The following RMDN2 variants were observed in gnomAD, a reference collection of about 807,000 sequenced individuals.
RMDN2 encodes the protein regulator of microtubule dynamics 2.
A neutral mutation model predicts 52.8 loss-of-function variants in RMDN2; 61 were observed. The ratio of observed to expected loss-of-function variants is 1.16; its 90% CI spans 0.94 to 1.43. RMDN2 has a LOEUF of 1.43. RMDN2 is among the 40% of genes most tolerant of loss of function. The pLI is 0.00. For synonymous variants in RMDN2, 180 were observed against 153.1 expected (o/e 1.18, Z -1.30); for missense variants, 592 against 475.3 (o/e 1.25, Z -2.28).
chr2:38,020,476 C>T (rs1021981934), downstream of RMDN2, among the ~76,000 whole-genome samples: 7 of 152,204 alleles, frequency 4.6e-5, no homozygotes, highest in Admixed American at 3.9e-4. Flanking sequence ...TGGCCAAGGC[C>T]GGAGCCGGCT....
chr2:37,984,272 C>CA (rs1673699828), intron 5 of RMDN2, among the ~76,000 whole-genome samples: 1 of 152,126 alleles, frequency 6.6e-6, no homozygotes, highest in Non-Finnish European at 1.5e-5. Context: ...CTCCTGGAAT[C>CA]AAGAGAATGA....
At chr2:38,004,412 A>T (rs878945567) in intron 10 of RMDN2, among the ~76,000 whole-genome samples, 196 bp downstream of exon 10, 1 of 152,264 alleles carries the variant, frequency 6.6e-6, no homozygotes, top group Non-Finnish European at 1.5e-5. Flanking sequence ...CATATACATT[A>T]TGAAATGACT....
chr2:38,035,001 A>G (rs7585429), intron 10 of RMDN2, among the ~76,000 whole-genome samples: 17,319 of 152,162 alleles, frequency 0.11, 1,494 homozygotes, highest in African/African-American at 0.24. Flanking sequence ...AGCTCTAATT[A>G]GGAAAGACAA....
intron 2 of RMDN2, among the ~76,000 whole-genome samples, chr2:37,965,159 T>C (rs2125036576): frequency 6.6e-6 from 1 of 152,244 alleles, no homozygotes; most frequent in East Asian, 1.9e-4. Flanking sequence ...TATCGTTAAA[T>C]CCCAATTTTT....
In RMDN2 at chr2:37,926,528, C is replaced by G. The variant is rs558613788; in HGVS notation, c.-17+1103C>G. 2.2e-3 allele frequency among the ~76,000 whole-genome samples: 333 copies of G among 152,296 alleles called. 2 individuals are homozygous for G. Among genetic ancestry groups the G allele is most frequent in the Non-Finnish European group, 3.8e-3 (257 of 68,014 alleles). ...TAGCACCTTACAAATTGAAACGTAA[C>G]ATAATACTTTGTATCTGATTATTAA... On this transcript the variant is annotated intron_variant, in intron 1 of 10. Coordinates refer to ENST00000354545, the MANE Select transcript of RMDN2 (RefSeq NM_001170791.3).
At chr2:38,003,595 GATAGATAGGCAGA>G (rs1676641421) in intron 8 of RMDN2, among the ~76,000 whole-genome samples, 2 of 151,980 alleles carry the variant, frequency 1.3e-5, no homozygotes, top group African/African-American at 4.8e-5. Context: ...TAGATAGATA[GATAGATAGGCAGA>G]CAGACAGACA....
chr2:37,960,721 A>G (rs1670105766), intron 2 of RMDN2, among the ~76,000 whole-genome samples: 1 of 152,200 alleles, frequency 6.6e-6, no homozygotes, highest in Non-Finnish European at 1.5e-5. Flanking sequence ...TGTGAATTTG[A>G]TCCTGTCATC....
At chr2:38,028,036 A>G (rs1448874964) in intron 10 of RMDN2, 1 of 152,186 alleles carries the variant, frequency 6.6e-6, no homozygotes, top group East Asian at 1.9e-4. Context: ...GTTGAAATGC[A>G]TGTTATTTCC....
chr2:37,977,997 C>T (rs908134198), intron 4 of RMDN2, among the ~76,000 whole-genome samples: 2 of 152,226 alleles, frequency 1.3e-5, no homozygotes, highest in East Asian at 1.9e-4. Context: ...TGTAGTGAGC[C>T]GAGATCACGC....
intron 10 of RMDN2, among the ~76,000 whole-genome samples, chr2:38,014,444 A>G (rs1036503468): frequency 2.0e-5 from 3 of 152,158 alleles, no homozygotes; most frequent in African/African-American, 7.2e-5. Flanking sequence ...AAACACTCTA[A>G]AGAAGTTTCT....
intron 10 of RMDN2, among the ~76,000 whole-genome samples, chr2:38,037,112 A>G (rs1243593953): frequency 6.6e-6 from 1 of 152,192 alleles, no homozygotes; most frequent in Non-Finnish European, 1.5e-5. Flanking sequence ...TCCAGACCTG[A>G]CACTTTGCTA....
intron 10 of RMDN2, among the ~76,000 whole-genome samples, chr2:38,039,047 TACACACACACAC>T (rs71414270): frequency 0.022 from 2,748 of 127,372 alleles, 92 homozygotes; most frequent in African/African-American, 0.064. Flanking sequence ...CCAGATGCTA[TACACACACACAC>T]ACACACACAC....
At chr2:38,033,667 A>G (rs1680374216) in intron 10 of RMDN2, among the ~76,000 whole-genome samples, 1 of 152,250 alleles carries the variant, frequency 6.6e-6, no homozygotes, top group Admixed American at 6.5e-5. Context: ...CATAGGGCTC[A>G]ATAAATACTT....
In RMDN2 at chr2:37,989,473, G is replaced by A. The variant is rs2125128861; in HGVS notation, c.792-68G>A. 20 of 960,236 alleles carry A rather than the reference G, an allele frequency of 2.1e-5. No individual in the cohort carries two copies. The South Asian group carries it at 2.8e-4, about 13-fold the overall frequency. 59.5% of individuals were successfully genotyped at this position (960,236 alleles called of 1,614,324 possible). On this transcript the variant is annotated intron_variant, in intron 5 of 10. Transcript: ENST00000354545. ...GCTTTAGAGTTTCTTTTAATGTTAT[G>A]TTTTGGTGGCATTTTGTTAAAAATT... is the stretch of plus-strand genomic sequence containing the variant.
At chr2:37,978,050 A>T (rs1237750086) in intron 4 of RMDN2, among the ~76,000 whole-genome samples, 1 of 152,164 alleles carries the variant, frequency 6.6e-6, no homozygotes, top group Non-Finnish European at 1.5e-5. Context: ...TGAGTGAGTG[A>T]GACTCTGTCT....
chr2:38,054,663 G>C (rs368835952), intron 10 of RMDN2, among the ~76,000 whole-genome samples: 76 of 152,080 alleles, frequency 5.0e-4, no homozygotes, highest in African/African-American at 1.7e-3. Flanking sequence ...GTTTCTTTTG[G>C]GTCACTCTGT....
chr2:37,995,738 C>T (rs1180282926), intron 7 of RMDN2, among the ~76,000 whole-genome samples: 2 of 152,138 alleles, frequency 1.3e-5, no homozygotes, highest in Admixed American at 6.5e-5. Flanking sequence ...ATATATGAGG[C>T]TGTGAAACTA....
At chr2:37,957,509 AATTT>A (rs1669633716) in intron 2 of RMDN2, among the ~76,000 whole-genome samples, 2 of 151,926 alleles carry the variant, frequency 1.3e-5, no homozygotes, top group African/African-American at 4.8e-5. Flanking sequence ...TTTTCTTGTA[AATTT>A]ATTTAAGTTC....
intron 10 of RMDN2, among the ~76,000 whole-genome samples, chr2:38,043,345 C>G (rs1053571989): frequency 6.6e-6 from 1 of 152,122 alleles, no homozygotes; most frequent in Non-Finnish European, 1.5e-5. Context: ...TAGCATGATA[C>G]AGCTTTCTCC....
Sources: gnomAD v4.1 joint callset for allele counts (sites outside exome capture counted in the v4.1 genomes callset) on GRCh38, gnomAD v4.1.1 for gene constraint, MANE v1.5 for transcripts, NCBI Gene and HGNC (gene_info 2026-07-23, HGNC 2026-07-21) for gene names.